PPP1R17: variants seen among roughly 807,000 people sequenced by gnomAD.
PPP1R17 encodes the protein protein phosphatase 1 regulatory subunit 17, also known as G-substrate.
In PPP1R17, 12 loss-of-function variants were observed where a neutral mutation model predicts 15.9. The observed-to-expected ratio is 0.75, with a 90% CI of 0.48 to 1.22. PPP1R17 has a LOEUF of 1.22. Ranked by LOEUF, PPP1R17 falls within the 50% of genes most tolerant of loss-of-function variation. The pLI is 0.00. For synonymous variants in PPP1R17, 63 were observed against 64.5 expected (o/e 0.98, Z 0.11); for missense variants, 211 against 187.3 (o/e 1.13, Z -0.74).
At chr7:31,696,772 T>C (rs901962321) in intron 3 of PPP1R17, among the ~76,000 whole-genome samples, 193 bp from the exon 4 acceptor site, 12 of 152,206 alleles carry the variant, frequency 7.9e-5, no homozygotes, top group Non-Finnish European at 1.3e-4. Flanking sequence ...TGCAAAACCT[T>C]TTGTATAGAC....
intron 4 of PPP1R17, among the ~76,000 whole-genome samples, chr7:31,700,896 A>G (rs1004191096): frequency 6.6e-6 from 1 of 152,172 alleles, no homozygotes; most frequent in African/African-American, 2.4e-5. Context: ...GTTTAGACCT[A>G]CTGCTCCAAA....
At position 31,695,578 on chromosome 7, in the gene PPP1R17, G is replaced by A. The variant is rs368428211; in HGVS notation, c.192G>A (p.Arg64=). Residue 64 remains arginine, a synonymous_variant, in exon 3 of 5, where the codon AGG becomes AGA. Coordinates refer to ENST00000342032, the MANE Select transcript of PPP1R17 (RefSeq NM_006658.5). ...TTGAGTCAGACCAAAAAAAACCAAG[G>A]AGGAAAGATACACCGGCGCTGCACA... ...LNVESDQKKP[R]RKDTPALHIP... The A allele has an allele frequency of 1.9e-6, 3 of 1,613,892 alleles. No homozygotes were observed. Among genetic ancestry groups the A allele is most frequent in the East Asian group, 2.2e-5 (1 of 44,852 alleles).
intron 4 of PPP1R17, 100 bp from the exon 5 acceptor site, chr7:31,707,104 T>C: frequency 9.5e-7 from 1 of 1,049,000 alleles, no homozygotes; most frequent in Non-Finnish European, 1.4e-6. Context: ...CACTAAGAGG[T>C]TTCTGGGTTG....
intron 1 of PPP1R17, among the ~76,000 whole-genome samples, chr7:31,689,902 C>G (rs1792267528): frequency 6.6e-6 from 1 of 152,202 alleles, no homozygotes; most frequent in Non-Finnish European, 1.5e-5. Context: ...CCTTAGCAAA[C>G]AGTCTTGCTG....
rs761898064 is a variant in PPP1R17, at chr7:31,708,011, T to C, written c.*728T>C. ...GCTGTCCCAACATTTGTGAGTTGTG[T>C]CACAAGTGAGTCATTATCAATGGTA... On this transcript the variant is annotated 3_prime_UTR_variant, in exon 5 of 5. Coordinates refer to ENST00000342032, the MANE Select transcript of PPP1R17 (RefSeq NM_006658.5). 1 of 152,230 alleles carries C rather than the reference T, an allele frequency of 6.6e-6. No individual in the cohort carries two copies. The highest frequency in any genetic ancestry group is 1.5e-5 in the Non-Finnish European group (1 of 68,042). The allele number at this position is 152,230 out of a possible 1,614,324, so 9.4% of individuals were successfully genotyped here.
intron 4 of PPP1R17, among the ~76,000 whole-genome samples, chr7:31,706,340 A>G (rs1212825255): frequency 6.6e-6 from 1 of 152,144 alleles, no homozygotes; most frequent in African/African-American, 2.4e-5. Flanking sequence ...GTGGAGCCCA[A>G]CATAGGAACA....
intron 1 of PPP1R17, among the ~76,000 whole-genome samples, chr7:31,689,291 C>G (rs1275921726): frequency 1.3e-5 from 2 of 152,116 alleles, no homozygotes; most frequent in African/African-American, 4.8e-5. Flanking sequence ...GAAAACACCC[C>G]CAAATGTGAA....
In PPP1R17 at chr7:31,695,507, A is replaced by C. The variant is rs762544884; in HGVS notation, c.121A>C (p.Lys41Gln). 1.9e-6 allele frequency: 3 copies of C among 1,613,140 alleles called. No individual in the cohort carries two copies. The highest frequency in any genetic ancestry group is 1.7e-5 in the Admixed American group (1 of 59,834). The change falls in exon 3 of 5, where the codon AAA (lysine) becomes CAA (glutamine). Residue 41 changes from lysine to glutamine, a missense_variant. Coordinates refer to ENST00000342032, the MANE Select transcript of PPP1R17 (RefSeq NM_006658.5). The part of the protein sequence containing the change: ...SDQFIKDCDL[K>Q]KKPRKGKNVQ... Reference sequence around the variant, plus strand: ...CCAGTTCATTAAGGACTGTGATCTCAAAAAGAAGCCTAGAAAGGGAAAAAA... The same window carrying C: ...CCAGTTCATTAAGGACTGTGATCTCCAAAAGAAGCCTAGAAAGGGAAAAAA...
chr7:31,692,434 C>A lies in PPP1R17; in HGVS notation c.-8C>A, dbSNP rs771400006. The A allele has an allele frequency of 6.3e-7, 1 of 1,599,128 alleles. No individual in the cohort carries two copies. The highest frequency in any genetic ancestry group is 8.6e-7 in the Non-Finnish European group (1 of 1,166,566). On this transcript the variant is annotated 5_prime_UTR_variant, in exon 2 of 5. Coordinates refer to ENST00000342032, the MANE Select transcript of PPP1R17 (RefSeq NM_006658.5). Reference sequence around the variant, plus strand: ...TGGAGAAGAAATACATCCACCCACCCTCCTTTGATGATGTCCACTGAGCAA... The same window carrying A: ...TGGAGAAGAAATACATCCACCCACCATCCTTTGATGATGTCCACTGAGCAA...
At chr7:31,705,552 C>T (rs577652222) in intron 4 of PPP1R17, among the ~76,000 whole-genome samples, 10 of 152,288 alleles carry the variant, frequency 6.6e-5, no homozygotes, top group South Asian at 2.1e-4. Context: ...CCAATAAATA[C>T]CAGCTAATTG....
intron 2 of PPP1R17, among the ~76,000 whole-genome samples, chr7:31,695,019 T>C (rs886254188): frequency 3.3e-5 from 5 of 152,010 alleles, no homozygotes; most frequent in African/African-American, 1.2e-4. Context: ...AAGTGAGAAA[T>C]TCACTGAGGA....
At chr7:31,699,371 C>T (rs1226195356) in intron 4 of PPP1R17, among the ~76,000 whole-genome samples, 2 of 152,142 alleles carry the variant, frequency 1.3e-5, no homozygotes, top group African/African-American at 4.8e-5. Flanking sequence ...CACGGTCTCC[C>T]GTGAAAGGGC....
Position 31,695,498 on chromosome 7 carries a change from T to C in PPP1R17, c.112T>C (p.Cys38Arg), listed in dbSNP as rs776265409. ...TCTTTCAGACCAGTTCATTAAGGAC[T>C]GTGATCTCAAAAAGAAGCCTAGAAA... ...DDLSDQFIKD[C>R]DLKKKPRKGK... The change falls in exon 3 of 5, where the codon TGT becomes CGT. Residue 38 changes from cysteine to arginine, a missense_variant. Cys to Arg is a radical substitution (Grantham distance 180). Coordinates refer to ENST00000342032, the MANE Select transcript of PPP1R17 (RefSeq NM_006658.5). The C allele has an allele frequency of 4.3e-6, 7 of 1,613,054 alleles. No individual in the cohort carries two copies. Among genetic ancestry groups the C allele is most frequent in the Non-Finnish European group, 8.5e-7 (1 of 1,179,628 alleles).
Position 31,707,278 on chromosome 7 carries a change from A to T in PPP1R17, c.463A>T (p.Ile155Phe). ...CGAAAAGGATGGTGACAAGATAGCTATTTAAAGATAGTTCCCCTGAGACCA... is the reference window on the plus strand; with the variant it reads ...CGAAAAGGATGGTGACAAGATAGCTTTTTAAAGATAGTTCCCCTGAGACCA... ...DDEKDGDKIAI is the reference protein window; with the variant it reads ...DDEKDGDKIAF The change falls in exon 5 of 5, where the codon ATT becomes TTT. Residue 155 changes from isoleucine (I) to phenylalanine (F), a missense_variant. Transcript: ENST00000342032. 1 of 1,613,390 alleles carries T rather than the reference A, an allele frequency of 6.2e-7. No homozygotes were observed. The highest frequency in any genetic ancestry group is 8.5e-7 in the Non-Finnish European group (1 of 1,179,420).
chr7:31,706,975 C>T (rs1364049186), intron 4 of PPP1R17, among the ~76,000 whole-genome samples: 1 of 152,158 alleles, frequency 6.6e-6, no homozygotes, highest in Non-Finnish European at 1.5e-5. Flanking sequence ...CCTCTGACTT[C>T]CAGGTGGTGC....
In PPP1R17 at chr7:31,695,455, C is replaced by T. The variant is rs569782007; in HGVS notation, c.83-14C>T. On this transcript the variant is annotated splice_polypyrimidine_tract_variant and intron_variant, in intron 2 of 4. Coordinates refer to ENST00000342032, the MANE Select transcript of PPP1R17 (RefSeq NM_006658.5). Reference sequence around the variant, plus strand: ...TGTTATATTCTTTATTTCTTTGTATCCTGTCAAAATTAGATGATCTTTCAG... The same window carrying T: ...TGTTATATTCTTTATTTCTTTGTATTCTGTCAAAATTAGATGATCTTTCAG... 1.9e-6 allele frequency: 3 copies of T among 1,588,452 alleles called. No homozygotes were observed. Among genetic ancestry groups the T allele is most frequent in the African/African-American group, 2.7e-5 (2 of 73,228 alleles).
intron 1 of PPP1R17, among the ~76,000 whole-genome samples, chr7:31,690,606 T>C (rs1792302344): frequency 6.6e-6 from 1 of 152,186 alleles, no homozygotes; most frequent in African/African-American, 2.4e-5. Context: ...AGAGCTGAGA[T>C]TTAAACTAGG....
At chr7:31,690,375 G>A (rs1172851848) in intron 1 of PPP1R17, among the ~76,000 whole-genome samples, 1 of 152,190 alleles carries the variant, frequency 6.6e-6, no homozygotes, top group East Asian at 1.9e-4. Context: ...TTACAGATGA[G>A]GAAACTCAGG....
At chr7:31,700,277 T>C (rs1479960992) in intron 4 of PPP1R17, among the ~76,000 whole-genome samples, 1 of 152,196 alleles carries the variant, frequency 6.6e-6, no homozygotes, top group Non-Finnish European at 1.5e-5. Flanking sequence ...AACATCCTTA[T>C]TGTTGATACG....
Sources: gnomAD v4.1 joint callset for allele counts (sites outside exome capture counted in the v4.1 genomes callset) on GRCh38, gnomAD v4.1.1 for gene constraint, MANE v1.5 for transcripts, NCBI Gene and HGNC (gene_info 2026-07-23, HGNC 2026-07-21) for gene names.